ROBO2: variants seen among roughly 807,000 people sequenced by gnomAD.
ROBO2 encodes roundabout guidance receptor 2.
Under a neutral mutation model 160.8 loss-of-function variants are expected in ROBO2, and 53 were observed. The observed-to-expected ratio is 0.33, with a 90% CI of 0.26 to 0.41. ROBO2 has a LOEUF of 0.41. Ranked by LOEUF, ROBO2 falls within the 10% of genes least tolerant of loss-of-function variation. The pLI is 1.00. For missense variants in ROBO2, 1,577 were observed against 1,722.4 expected, an observed-to-expected ratio of 0.92 and a Z score of 1.49; for synonymous variants, 664 against 611.7, an observed-to-expected ratio of 1.09 and a Z score of -1.26.
chr3:76,753,200 C>T, intron 2 of ROBO2, among the ~76,000 whole-genome samples: 1 of 151,888 alleles, frequency 6.6e-6, no homozygotes, highest in South Asian at 2.1e-4. Context: ...AAAATATAAG[C>T]ACAGAATTAT....
intron 2 of ROBO2, among the ~76,000 whole-genome samples, chr3:76,333,351 G>A (rs1301811009): frequency 6.6e-6 from 1 of 152,098 alleles, no homozygotes; most frequent in South Asian, 2.1e-4. Context: ...GCAAGTGTAC[G>A]CAGCGTAAAG....
chr3:76,375,698 A>G (rs375541176), intron 2 of ROBO2, among the ~76,000 whole-genome samples: 262 of 152,194 alleles, frequency 1.7e-3, no homozygotes, highest in Middle Eastern at 0.014. Context: ...ACTAGTTGCA[A>G]GTAAAGTAGA....
chr3:76,462,228 A>G (rs1205289515), intron 2 of ROBO2, among the ~76,000 whole-genome samples: 1 of 152,178 alleles, frequency 6.6e-6, no homozygotes, highest in Non-Finnish European at 1.5e-5. Context: ...CCAAATGTCG[A>G]TTTTTCATTC....
In ROBO2 at chr3:76,435,748, A is replaced by T. The variant is rs116128439; in HGVS notation, c.109+498146A>T. ...TTTGGGGGTTATTCTACCAACAAACAAACAGTCCATTGGAAAGAAAACAGT... is the reference window on the plus strand; with the variant it reads ...TTTGGGGGTTATTCTACCAACAAACTAACAGTCCATTGGAAAGAAAACAGT... On this transcript the variant is annotated intron_variant, in intron 2 of 26. Coordinates refer to the ROBO2 transcript ENST00000487694. 7.0e-3 allele frequency among the ~76,000 whole-genome samples: 1,071 copies of T among 152,294 alleles called. 7 individuals carry two copies. Among genetic ancestry groups the T allele is most frequent in the Admixed American group, 0.011 (162 of 15,294 alleles).
intron 2 of ROBO2, among the ~76,000 whole-genome samples, chr3:77,397,222 G>A (rs183410627): frequency 5.5e-4 from 84 of 152,240 alleles, no homozygotes; most frequent in African/African-American, 1.9e-3. Flanking sequence ...TAGTCAGTGA[G>A]ACTGATCATG....
At chr3:76,590,204 G>A (rs1016232941) in intron 2 of ROBO2, among the ~76,000 whole-genome samples, 3 of 151,924 alleles carry the variant, frequency 2.0e-5, no homozygotes, top group Non-Finnish European at 4.4e-5. Context: ...TTAGATAAAA[G>A]TCAAAAACAA....
chr3:77,237,411 T>TTTTGTGTGTGTGTG (rs374947657), intron 2 of ROBO2, among the ~76,000 whole-genome samples: 7 of 131,046 alleles, frequency 5.3e-5, no homozygotes, highest in Non-Finnish European at 9.7e-5. Context: ...TTGTTTTGTT[T>TTTTGTGTGTGTGTG]TGTGTGTGTG....
At chr3:76,624,459 T>C (rs952219332) in intron 2 of ROBO2, among the ~76,000 whole-genome samples, 4 of 151,958 alleles carry the variant, frequency 2.6e-5, no homozygotes, top group African/African-American at 7.2e-5. Context: ...CCCCAAGAAA[T>C]GGTATTTCTC....
At chr3:76,133,858 C>G (rs766744671) in intron 2 of ROBO2, among the ~76,000 whole-genome samples, 1 of 152,028 alleles carries the variant, frequency 6.6e-6, no homozygotes, top group East Asian at 1.9e-4. Context: ...CCTTTCCCAT[C>G]CACTGACTCC....
intron 2 of ROBO2, among the ~76,000 whole-genome samples, chr3:77,282,074 G>C (rs1275999613): frequency 6.6e-6 from 1 of 152,084 alleles, no homozygotes; most frequent in Non-Finnish European, 1.5e-5. Context: ...TATGTAAATA[G>C]TTAATACTGT....
chr3:77,111,016 A>T (rs1035601094), intron 2 of ROBO2, among the ~76,000 whole-genome samples: 1 of 152,214 alleles, frequency 6.6e-6, no homozygotes, highest in African/African-American at 2.4e-5. Context: ...ATGTTTAAAA[A>T]ATAACGAAGG....
intron 2 of ROBO2, among the ~76,000 whole-genome samples, chr3:76,933,377 C>G (rs1172578362): frequency 6.6e-6 from 1 of 152,118 alleles, no homozygotes; most frequent in African/African-American, 2.4e-5. Flanking sequence ...GCTTATTTGT[C>G]TTTTGGAAAA....
intron 2 of ROBO2, among the ~76,000 whole-genome samples, chr3:76,262,862 T>C (rs1222647080): frequency 6.6e-6 from 1 of 152,124 alleles, no homozygotes; most frequent in Non-Finnish European, 1.5e-5. Context: ...GCACAGCTAC[T>C]GCATACTTCT....
At chr3:77,011,012 GTTCT>G (rs1179622481) in intron 2 of ROBO2, among the ~76,000 whole-genome samples, 1 of 129,726 alleles carries the variant, frequency 7.7e-6, no homozygotes, top group African/African-American at 2.9e-5. Flanking sequence ...TCTTTCATTT[GTTCT>G]TTCTTTCTGT....
chr3:76,603,344 AAAAAAAAATATATATATATATATATATAT>A (rs1321417267), intron 2 of ROBO2, among the ~76,000 whole-genome samples: 1 of 64,684 alleles, frequency 1.5e-5, no homozygotes, highest in East Asian at 4.9e-4. Context: ...AAAAAAAAAA[AAAAAAAAATATATATATATATATATATAT>A]ATATATATAT....
chr3:76,018,377 A>G (rs968327714), intron 2 of ROBO2, among the ~76,000 whole-genome samples: 1 of 151,992 alleles, frequency 6.6e-6, no homozygotes, highest in Non-Finnish European at 1.5e-5. Context: ...TATTAAGTAT[A>G]TAAGAATTAG....
At chr3:76,329,409 G>A (rs2073308050) in intron 2 of ROBO2, among the ~76,000 whole-genome samples, 2 of 152,092 alleles carry the variant, frequency 1.3e-5, no homozygotes, top group African/African-American at 4.8e-5. Context: ...GTAGAGATGG[G>A]GTTTCCCCGT....
At chr3:76,881,050 T>C (rs2073289886) in intron 2 of ROBO2, among the ~76,000 whole-genome samples, 1 of 152,216 alleles carries the variant, frequency 6.6e-6, no homozygotes, top group Non-Finnish European at 1.5e-5. Flanking sequence ...GGCCATTAGC[T>C]GTGATGCTTA....
chr3:75,947,409 C>T (rs1948351735), intron 2 of ROBO2, among the ~76,000 whole-genome samples: 1 of 152,006 alleles, frequency 6.6e-6, no homozygotes, highest in Non-Finnish European at 1.5e-5. Context: ...TTTTGTATGG[C>T]TCATGAGTTA....
Sources: allele counts gnomAD v4.1 joint callset (sites outside exome capture counted in the v4.1 genomes callset), GRCh38; gene constraint gnomAD v4.1.1; transcripts MANE v1.5; gene names NCBI Gene and HGNC (gene_info 2026-07-23, HGNC 2026-07-21).